NOTCH2: variants seen among roughly 807,000 people sequenced by gnomAD.
The protein encoded by NOTCH2 is notch receptor 2.
A neutral mutation model predicts 235.8 loss-of-function variants in NOTCH2; 29 were observed. The ratio of observed to expected loss-of-function variants is 0.12; its 90% confidence interval spans 0.09 to 0.17. NOTCH2 has a LOEUF of 0.17. Among genes scored for constraint, NOTCH2 ranks in the 10% least tolerant of loss-of-function variants. The pLI, the probability that NOTCH2 is intolerant of heterozygous loss-of-function variation, is 1.00. For missense variants in NOTCH2, 2,285 were observed against 3,150.2 expected (o/e 0.73, Z 6.57); for synonymous variants, 1,086 against 1,141.5 (o/e 0.95, Z 0.98).
At chr1:119,982,558 A>G (rs1304212712) in intron 5 of NOTCH2, among the ~76,000 whole-genome samples, 7 of 152,246 alleles carry the variant, frequency 4.6e-5, no homozygotes, top group Admixed American at 3.9e-4. Flanking sequence ...TTAAATGGAT[A>G]TCTGCCAGAG....
Position 119,915,910 on chromosome 1 carries a change from A to G in NOTCH2, c.6812T>C (p.Val2271Ala), listed in dbSNP as rs777163497. 1.9e-6 allele frequency: 3 copies of G among 1,614,152 alleles called. No homozygotes were observed. The highest frequency in any genetic ancestry group is 2.5e-6 in the Non-Finnish European group (3 of 1,180,014). Residue 2271 changes from valine (V) to alanine (A), a missense_variant, in exon 34 of 34, where the codon GTC (valine) becomes GCC (alanine). Physicochemically the swap from Val to Ala is moderately conservative, Grantham distance 64 (BLOSUM62 0). This residue lies in a region of NOTCH2 where 504 missense variants were observed against 538.0 expected (regional missense o/e 0.94). Coordinates refer to ENST00000256646, the MANE Select transcript of NOTCH2 (RefSeq NM_024408.4). ...ETQYNEMFGM[V>A]LAPAEGTHPG... is the part of the protein sequence containing the mutation. The stretch of plus-strand genomic sequence containing the variant: ...ATGGGTGCCCTCAGCTGGAGCCAGG[A>G]CCATACCAAACATCTCATTGTACTG...
At chr1:119,963,950 G>C in intron 10 of NOTCH2, 143 bp from the exon 11 acceptor site, 1 of 732,200 alleles carries the variant, frequency 1.4e-6, no homozygotes, top group Non-Finnish European at 2.4e-6. Flanking sequence ...AGAAAACGAC[G>C]ATCTGCATTG....
chr1:120,011,987 GCCTGGGCGAC>G (rs1553207006), intron 2 of NOTCH2, among the ~76,000 whole-genome samples: 2 of 144,086 alleles, frequency 1.4e-5, no homozygotes, highest in African/African-American at 5.3e-5. Context: ...CTGCACTCCA[GCCTGGGCGAC>G]AGAGCGAGAC....
At position 119,949,091 on chromosome 1, in the gene NOTCH2, G is replaced by A. The variant is rs782298053; in HGVS notation, c.2515C>T (p.Pro839Ser). 2.5e-6 allele frequency: 4 copies of A among 1,614,032 alleles called. No individual in the cohort carries two copies. The highest frequency in any genetic ancestry group is 1.7e-5 in the Admixed American group (1 of 60,002). ...ACAGCAGCATTCTCACAAGGGTTTG[G>A]GGAACAGGGAGCCAATACTGTCTGA... ...NCQTVLAPCS[P>S]NPCENAAVCK... Residue 839 changes from proline (P) to serine (S), a missense_variant, in exon 16 of 34, where the codon CCA becomes TCA. This residue lies in a region of NOTCH2 where 1,173 missense variants were observed against 1,515.3 expected (regional missense o/e 0.77). Transcript: ENST00000256646.
chr1:120,028,364 T>C (rs1409733070), intron 2 of NOTCH2, among the ~76,000 whole-genome samples: 1 of 147,750 alleles, frequency 6.8e-6, no homozygotes, highest in Non-Finnish European at 1.5e-5. Context: ...AAGATTTCAG[T>C]GGCCTACTCT....
intron 19 of NOTCH2, among the ~76,000 whole-genome samples, chr1:119,939,438 T>C (rs939619433): frequency 1.8e-4 from 28 of 152,250 alleles, no homozygotes; most frequent in Non-Finnish European, 7.3e-5. Context: ...GTTCATACTT[T>C]CTGTGCTAAT....
At chr1:119,941,474 C>G in intron 18 of NOTCH2, 52 bp downstream of exon 18, 2 of 1,339,090 alleles carry the variant, frequency 1.5e-6, no homozygotes, top group East Asian at 4.6e-5. Context: ...ATTTCCTTCC[C>G]TTTCTCCCTT....
At chr1:120,011,807 G>C (rs1234671237) in intron 2 of NOTCH2, among the ~76,000 whole-genome samples, 2 of 151,878 alleles carry the variant, frequency 1.3e-5, no homozygotes, top group African/African-American at 4.8e-5. Flanking sequence ...ACCAGGTCAG[G>C]AGATCGAGAC....
chr1:119,998,500 C>G (rs1360581948), intron 3 of NOTCH2, among the ~76,000 whole-genome samples: 1 of 152,116 alleles, frequency 6.6e-6, no homozygotes, highest in Non-Finnish European at 1.5e-5. Flanking sequence ...CAGGAAGACT[C>G]TGACGGGTTG....
At position 119,937,520 on chromosome 1, in the gene NOTCH2, T is replaced by C. The variant is rs587739533; in HGVS notation, c.3338-54A>G. ...ATAGAAGAACATGTGACACATGGGG[T>C]TCAAATCAACCAATGAGCAAGTAAA... On this transcript the variant is annotated intron_variant, in intron 20 of 33. Transcript: ENST00000256646. 1.6e-4 allele frequency: 254 copies of C among 1,540,712 alleles called. 3 individuals are homozygous for C. The South Asian group carries it at 2.4e-3, about 15-fold the overall frequency.
At chr1:119,929,643 C>T (rs587766763) in intron 22 of NOTCH2, among the ~76,000 whole-genome samples, 8 of 152,364 alleles carry the variant, frequency 5.3e-5, no homozygotes, top group African/African-American at 1.9e-4. Context: ...ATGCAGGCAG[C>T]ACATACGACA....
intron 3 of NOTCH2, among the ~76,000 whole-genome samples, chr1:120,000,469 G>C (rs797028340): frequency 6.9e-6 from 1 of 144,422 alleles, no homozygotes; most frequent in Non-Finnish European, 1.5e-5. Flanking sequence ...GGGAGGTGGA[G>C]CTTGCAGTGA....
chr1:119,967,536 TC>T lies in NOTCH2; in HGVS notation c.1349del (p.Gly450AspfsTer44). 1 of 1,614,054 alleles carries T rather than the reference TC, an allele frequency of 6.2e-7. No individual in the cohort carries two copies. The highest frequency in any genetic ancestry group is 8.5e-7 in the Non-Finnish European group (1 of 1,179,950). On this transcript the variant is annotated frameshift_variant, in exon 8 of 34. Transcript: ENST00000256646. LOFTEE classifies it high-confidence loss of function. ...CATTGATGTCCATCTCACAACGAGG[TC>T]CTGCATAACCCTTCAGACACTCACA... ...FHCECLKGYA[G>X]PRCEMDINEC...
intron 30 of NOTCH2, among the ~76,000 whole-genome samples, chr1:119,919,851 T>C (rs1649211781): frequency 6.6e-6 from 1 of 152,206 alleles, no homozygotes; most frequent in Admixed American, 6.5e-5. Flanking sequence ...TAAACACGTT[T>C]TTCTGTTCAA....
rs377438825 is a variant in NOTCH2 at position 120,011,203 on chromosome 1, A to G, written c.156-5615T>C. ...GAAATTAGATAATGGTGGTGGTCTCATAACTCTGGAAATACTAAAGTCTAC... is the reference window on the plus strand; with the variant it reads ...GAAATTAGATAATGGTGGTGGTCTCGTAACTCTGGAAATACTAAAGTCTAC... On this transcript the variant is annotated intron_variant, in intron 2 of 33. Transcript: ENST00000256646. 2.6e-4 allele frequency among the ~76,000 whole-genome samples: 39 copies of G among 152,114 alleles called. No individual in the cohort carries two copies. In the East Asian group the frequency reaches 6.4e-3, roughly 25 times the overall value.
chr1:119,945,215 T>C (rs1299924014), intron 17 of NOTCH2, among the ~76,000 whole-genome samples: 1 of 152,048 alleles, frequency 6.6e-6, no homozygotes, highest in Non-Finnish European at 1.5e-5. Flanking sequence ...GTAACCAATA[T>C]GGTAGTGAAT....
chr1:119,918,099 T>C (rs1210486073), intron 32 of NOTCH2, among the ~76,000 whole-genome samples: 1 of 152,170 alleles, frequency 6.6e-6, no homozygotes, highest in Admixed American at 6.5e-5. Context: ...ACAACTCTCC[T>C]AGAGAAGTCA....
In NOTCH2 at chr1:119,955,128, C is replaced by T. The variant is rs2101124546; in HGVS notation, c.2131G>A (p.Gly711Arg). The T allele has an allele frequency of 6.2e-7, 1 of 1,614,060 alleles. No individual in the cohort carries two copies. The highest frequency in any genetic ancestry group is 8.5e-7 in the Non-Finnish European group (1 of 1,180,000). The change falls in exon 13 of 34, where the codon GGA (glycine) becomes AGA (arginine). Residue 711 changes from glycine to arginine, a missense_variant. Gly to Arg is a moderately radical substitution (Grantham distance 125, BLOSUM62 -2). This residue lies in a region of NOTCH2 where 1,173 missense variants were observed against 1,515.3 expected (regional missense o/e 0.77). Coordinates refer to ENST00000256646, the MANE Select transcript of NOTCH2 (RefSeq NM_024408.4). Reference protein sequence around the residue: ...VNGFRCICPEGPHHPSCYSQV... With the variant: ...VNGFRCICPERPHHPSCYSQV... ...GAGTAGCAGCTGGGGTGATGGGGTCCCTCGGGGCATATACAGCGGAAACCA... is the reference window on the plus strand; with the variant it reads ...GAGTAGCAGCTGGGGTGATGGGGTCTCTCGGGGCATATACAGCGGAAACCA...
intron 22 of NOTCH2, among the ~76,000 whole-genome samples, chr1:119,931,415 C>G (rs985318455): frequency 2.0e-5 from 3 of 151,852 alleles, no homozygotes; most frequent in Admixed American, 6.6e-5. Flanking sequence ...TTTCTCTATA[C>G]TATAATTCAT....
Sources: gnomAD v4.1 joint callset for allele counts (sites outside exome capture counted in the v4.1 genomes callset) on GRCh38, gnomAD v4.1.1 for gene constraint, gnomAD v4.1.1 regional missense constraint, MANE v1.5 for transcripts, NCBI Gene and HGNC (gene_info 2026-07-23, HGNC 2026-07-21) for gene names.